RGS7: variants seen among roughly 807,000 people sequenced by gnomAD.
RGS7 encodes the protein regulator of G-protein signaling 7.
Under a neutral mutation model 81.1 loss-of-function variants are expected in RGS7, and 27 were observed. The ratio of observed to expected loss-of-function variants is 0.33; its 90% CI spans 0.25 to 0.46. The LOEUF (loss-of-function observed/expected upper bound fraction) is 0.46. Among genes scored for constraint, RGS7 ranks in the 20% least tolerant of loss-of-function variants. The probability of loss-of-function intolerance (pLI) is 1.00; values close to 1 mark genes in which losing one functional copy is unlikely to be tolerated. For synonymous variants in RGS7, 208 were observed against 207.7 expected (o/e 1.00, Z -0.01); for missense variants, 396 against 607.4 (o/e 0.65, Z 3.66).
chr1:240,856,106 A>G (rs1661077627), intron 9 of RGS7, among the ~76,000 whole-genome samples: 1 of 152,226 alleles, frequency 6.6e-6, no homozygotes, highest in South Asian at 2.1e-4. Context: ...TGCTCCAAGT[A>G]TTTTCAGATT....
chr1:241,295,272 C>A (rs916502766), intron 2 of RGS7, among the ~76,000 whole-genome samples: 3 of 147,782 alleles, frequency 2.0e-5, no homozygotes, highest in African/African-American at 7.4e-5. Flanking sequence ...CATGATGAAA[C>A]CCCGTCTCTA....
At chr1:241,204,830 A>G (rs148605829) in intron 2 of RGS7, among the ~76,000 whole-genome samples, 5 of 152,268 alleles carry the variant, frequency 3.3e-5, no homozygotes, top group African/African-American at 1.2e-4. Context: ...GTTAAACAGT[A>G]TCGATAATAA....
At chr1:241,160,000 C>A (rs555476094) in intron 2 of RGS7, among the ~76,000 whole-genome samples, 6 of 149,566 alleles carry the variant, frequency 4.0e-5, no homozygotes, top group East Asian at 2.0e-4. Context: ...GTTCTTCTAC[C>A]TTTTATTACC....
Position 241,311,725 on chromosome 1 carries a change from T to A in RGS7, c.78+43974A>T, listed in dbSNP as rs977551375. Reference sequence around the variant, plus strand: ...AAACAATCACGAAATTCACATTGCATGAGAATTGCTCCCTAAGATATCAAT... The same window carrying A: ...AAACAATCACGAAATTCACATTGCAAGAGAATTGCTCCCTAAGATATCAAT... On this transcript the variant is annotated intron_variant, in intron 2 of 18. Coordinates refer to ENST00000440928, the MANE Select transcript of RGS7 (RefSeq NM_001364886.1). Among the ~76,000 whole-genome samples the A allele has an allele frequency of 2.6e-5, 4 of 152,258 alleles. No individual in the cohort carries two copies. In the East Asian group the frequency reaches 5.8e-4, roughly 22 times the overall value.
At chr1:241,251,706 CA>C (rs1391155406) in intron 2 of RGS7, among the ~76,000 whole-genome samples, 1 of 152,038 alleles carries the variant, frequency 6.6e-6, no homozygotes, top group East Asian at 1.9e-4. Flanking sequence ...GACGGGGTTT[CA>C]TCACCTTCAC....
chr1:240,821,907 T>C (rs1691873190), intron 10 of RGS7, among the ~76,000 whole-genome samples: 1 of 152,206 alleles, frequency 6.6e-6, no homozygotes, highest in South Asian at 2.1e-4. Flanking sequence ...TACATGCAGA[T>C]GCTCTTATCA....
chr1:241,130,810 T>C (rs992084255), intron 2 of RGS7, among the ~76,000 whole-genome samples: 1 of 151,150 alleles, frequency 6.6e-6, no homozygotes, highest in East Asian at 1.9e-4. Context: ...TTTATTTTTA[T>C]AACATCCCTT....
intron 6 of RGS7, among the ~76,000 whole-genome samples, chr1:240,891,882 T>A (rs1351970728): frequency 6.6e-6 from 1 of 152,232 alleles, no homozygotes; most frequent in Non-Finnish European, 1.5e-5. Flanking sequence ...AATTTGTTGC[T>A]TTCTTATTAG....
chr1:241,028,870 A>G (rs1415182262), intron 3 of RGS7, among the ~76,000 whole-genome samples: 1 of 152,188 alleles, frequency 6.6e-6, no homozygotes, highest in Admixed American at 6.5e-5. Context: ...TACCAAGGCC[A>G]CCTGTTGACA....
intron 4 of RGS7, among the ~76,000 whole-genome samples, chr1:240,946,147 C>A (rs1174948706): frequency 6.6e-6 from 1 of 152,152 alleles, no homozygotes; most frequent in Non-Finnish European, 1.5e-5. Flanking sequence ...CTAACAATAA[C>A]AATGAGGCAG....
At chr1:241,285,822 C>T (rs892793747) in intron 2 of RGS7, among the ~76,000 whole-genome samples, 1 of 152,182 alleles carries the variant, frequency 6.6e-6, no homozygotes, top group East Asian at 1.9e-4. Context: ...CTCTGTGGAA[C>T]ATAGTCCTCA....
intron 2 of RGS7, among the ~76,000 whole-genome samples, chr1:241,325,855 A>C (rs2081462991): frequency 6.6e-6 from 1 of 152,230 alleles, no homozygotes; most frequent in African/African-American, 2.4e-5. Flanking sequence ...TAAGTCTCTT[A>C]CAGGAAAATG....
rs140451489 is a variant in RGS7 at position 241,176,944 on chromosome 1, G to A, written c.79-78182C>T. 7.2e-5 allele frequency among the ~76,000 whole-genome samples: 11 copies of A among 152,212 alleles called. No individual in the cohort carries two copies. The East Asian group carries it at 7.7e-4, about 11-fold the overall frequency. Reference sequence around the variant, plus strand: ...CCATGAGTAAAATTGATATGTCACCGTCTCACCAAAGTGAAAAACTGAAGC... The same window carrying A: ...CCATGAGTAAAATTGATATGTCACCATCTCACCAAAGTGAAAAACTGAAGC... On this transcript the variant is annotated intron_variant, in intron 2 of 18. Coordinates refer to ENST00000440928, the MANE Select transcript of RGS7 (RefSeq NM_001364886.1).
Position 240,775,725 on chromosome 1 carries a change from A to AACTT in RGS7, c.*491_*494dup. ...TGACTGTGACACATTGGTGAAATGA[A>AACTT]ACTTTCTGTGCGGAATTTATTGTTT... On this transcript the variant is annotated 3_prime_UTR_variant, in exon 19 of 19. Transcript: ENST00000440928. 1 of 171,384 alleles carries AACTT rather than the reference A, an allele frequency of 5.8e-6. No homozygotes were observed. The highest frequency in any genetic ancestry group is 2.4e-5 in the African/African-American group (1 of 42,056). 10.6% of individuals were successfully genotyped at this position (171,384 alleles called of 1,614,324 possible).
At chr1:241,276,444 G>T (rs1022425646) in intron 2 of RGS7, among the ~76,000 whole-genome samples, 1 of 152,166 alleles carries the variant, frequency 6.6e-6, no homozygotes, top group Non-Finnish European at 1.5e-5. Context: ...AAAAAATATA[G>T]TTCTTAAAGA....
intron 2 of RGS7, among the ~76,000 whole-genome samples, chr1:241,339,297 A>T (rs373459446): frequency 6.6e-6 from 1 of 152,170 alleles, no homozygotes; most frequent in East Asian, 1.9e-4. Context: ...ACTGATGGGC[A>T]TTTGGGTTGA....
chr1:240,819,654 C>A (rs1017155118), intron 10 of RGS7, among the ~76,000 whole-genome samples: 1 of 152,182 alleles, frequency 6.6e-6, no homozygotes, highest in Non-Finnish European at 1.5e-5. Context: ...AGGAGAATCA[C>A]GTGGACCCAG....
chr1:241,338,367 C>G (rs1358096862), intron 2 of RGS7, among the ~76,000 whole-genome samples: 1 of 152,134 alleles, frequency 6.6e-6, no homozygotes, highest in Non-Finnish European at 1.5e-5. Flanking sequence ...CTTTAAGCAG[C>G]TTTTGCTTTA....
intron 2 of RGS7, among the ~76,000 whole-genome samples, chr1:241,219,717 A>C (rs937431024): frequency 6.6e-6 from 1 of 152,220 alleles, no homozygotes; most frequent in African/African-American, 2.4e-5. Context: ...TAGAAAGATA[A>C]GATCAAATTT....
Sources: allele counts gnomAD v4.1 joint callset (sites outside exome capture counted in the v4.1 genomes callset), GRCh38; gene constraint gnomAD v4.1.1; transcripts MANE v1.5; gene names NCBI Gene and HGNC (gene_info 2026-07-23, HGNC 2026-07-21).